Variants in ATP5MC2 observed in about 807,000 individuals in gnomAD.
The protein encoded by ATP5MC2 is ATP synthase F(0) complex subunit C2, mitochondrial.
In ATP5MC2, 11 loss-of-function variants were observed where a neutral mutation model predicts 13.5. The observed-to-expected ratio is 0.81, with a 90% confidence interval of 0.51 to 1.35. ATP5MC2 has a LOEUF of 1.35. Ranked by LOEUF, ATP5MC2 falls within the 40% of genes most tolerant of loss-of-function variation. ATP5MC2 has a pLI of 0.00. For synonymous variants in ATP5MC2, 64 were observed against 69.7 expected (o/e 0.92, Z 0.41); for missense variants, 132 against 175.0 (o/e 0.75, Z 1.39).
At chr12:53,675,887 G>A (rs1261606655) in intron 1 of ATP5MC2, among the ~76,000 whole-genome samples, 166 bp downstream of exon 1, 1 of 152,248 alleles carries the variant, frequency 6.6e-6, no homozygotes, top group African/African-American at 2.4e-5. Flanking sequence ...GGAGGTCACC[G>A]GCACGCGGAA....
In ATP5MC2 at chr12:53,669,863, T is replaced by G. The variant is rs765985656; in HGVS notation, c.117+8A>C. Reference sequence around the variant, plus strand: ...CAAAACCACAGTCCCAACTCCACTGTAAGGTACCTCATCTGTCAGTATCTC... The same window carrying G: ...CAAAACCACAGTCCCAACTCCACTGGAAGGTACCTCATCTGTCAGTATCTC... On this transcript the variant is annotated splice_region_variant and intron_variant, in intron 3 of 4. Coordinates refer to ENST00000394349, the MANE Select transcript of ATP5MC2 (RefSeq NM_005176.7). The G allele has an allele frequency of 1.2e-6, 2 of 1,613,594 alleles. No homozygotes were observed. The highest frequency in any genetic ancestry group is 1.7e-6 in the Non-Finnish European group (2 of 1,179,728).
At chr12:53,666,870 C>T (rs1052916815) in intron 4 of ATP5MC2, among the ~76,000 whole-genome samples, 62 of 149,382 alleles carry the variant, frequency 4.2e-4, no homozygotes, top group African/African-American at 1.2e-3. Context: ...CATTTGAACC[C>T]GGGAGGCAGA....
At chr12:53,679,238 CGAGAGAGA>C (rs59340879), upstream of ATP5MC2, among the ~76,000 whole-genome samples, 2,825 of 127,690 alleles carry the variant, frequency 0.022, 64 homozygotes, top group African/African-American at 0.062. Flanking sequence ...ATTTTAAAAA[CGAGAGAGA>C]GAGAGAGAGA....
chr12:53,666,470 A>C (rs1191963251), intron 4 of ATP5MC2, among the ~76,000 whole-genome samples: 1 of 152,014 alleles, frequency 6.6e-6, no homozygotes, highest in African/African-American at 2.4e-5. Context: ...CCAGCTACTC[A>C]GGAGGCTGAG....
At position 53,669,888 on chromosome 12, in the gene ATP5MC2, C is replaced by A. The variant is rs1317113193; in HGVS notation, c.100G>T (p.Glu34Ter). The A allele has an allele frequency of 1.2e-6, 2 of 1,613,926 alleles. No homozygotes were observed. Among genetic ancestry groups the A allele is most frequent in the Non-Finnish European group, 1.7e-6 (2 of 1,179,980 alleles). ...PLSAVVLKRP[E>*]ILTDESLSSL... ...TAAGGTACCTCATCTGTCAGTATCT[C>A]CGGTCGTTTCAGCACCACTGCAGAT... is the stretch of plus-strand genomic sequence containing the variant. Residue 34 changes from glutamate (E) to a stop codon, truncating the protein, a stop_gained, in exon 3 of 5, where the codon GAG (glutamate) becomes TAG (stop). Coordinates refer to ENST00000394349, the MANE Select transcript of ATP5MC2 (RefSeq NM_005176.7). LOFTEE classifies it high-confidence loss of function.
intron 1 of ATP5MC2, among the ~76,000 whole-genome samples, chr12:53,674,422 T>C (rs1945204359): frequency 6.6e-6 from 1 of 152,244 alleles, no homozygotes; most frequent in Non-Finnish European, 1.5e-5. Context: ...TTATTAGGTA[T>C]ACTTAACGCA....
chr12:53,670,015 C>G, intron 2 of ATP5MC2, 67 bp from the exon 3 acceptor site: 1 of 1,400,100 alleles, frequency 7.1e-7, no homozygotes, highest in Non-Finnish European at 1.0e-6. Flanking sequence ...AGAACTATGC[C>G]ACGTTGTTAC....
At chr12:53,680,941 T>A (rs1282720917), upstream of ATP5MC2, among the ~76,000 whole-genome samples, 1 of 152,034 alleles carries the variant, frequency 6.6e-6, no homozygotes, top group Non-Finnish European at 1.5e-5. Context: ...AGTTTTGCTC[T>A]TGTCGCCCAT....
chr12:53,678,842 C>T (rs1338185241), upstream of ATP5MC2, among the ~76,000 whole-genome samples: 1 of 152,140 alleles, frequency 6.6e-6, no homozygotes, highest in Admixed American at 6.5e-5. Context: ...CAATCAGTCC[C>T]TTTCTTTTCC....
At position 53,676,022 on chromosome 12, in the gene ATP5MC2, GCA is replaced by G. The variant is rs778434190; in HGVS notation, c.-32+29_-32+30del. ...GAGGTGTCCCGCGCGCGTGCGCAGC[GCA>G]CAGAGGGCTCTAGGTCCCAAGGCCT... On this transcript the variant is annotated intron_variant, in intron 1 of 4. Transcript: ENST00000394349. 8.8e-5 allele frequency: 142 copies of G among 1,606,912 alleles called. No homozygotes were observed. In the African/African-American group the frequency reaches 1.7e-3, roughly 19 times the overall value.
At chr12:53,680,706 A>G (rs1945335913), upstream of ATP5MC2, among the ~76,000 whole-genome samples, 1 of 152,084 alleles carries the variant, frequency 6.6e-6, no homozygotes, top group African/African-American at 2.4e-5. Context: ...AAATTATGAA[A>G]TATTTGATTC....
At position 53,675,454 on chromosome 12, in the gene ATP5MC2, C is replaced by T. The variant is rs1565629402; in HGVS notation, c.-32+599G>A. 5.3e-5 allele frequency among the ~76,000 whole-genome samples: 8 copies of T among 152,194 alleles called. No individual in the cohort carries two copies. In the South Asian group the frequency reaches 1.7e-3, roughly 31 times the overall value. ...AAATAACTAGTGATTCCAAAGCAAC[C>T]AGCCTCTCTCTTCTGCCTTAGCTAT... On this transcript the variant is annotated intron_variant, in intron 1 of 4. Coordinates refer to ENST00000394349, the MANE Select transcript of ATP5MC2 (RefSeq NM_005176.7).
intron 4 of ATP5MC2, 72 bp downstream of exon 4, chr12:53,669,076 C>T: frequency 3.3e-6 from 5 of 1,532,340 alleles, no homozygotes; most frequent in Non-Finnish European, 4.4e-6. Context: ...TAGTATAGTT[C>T]TAGACCCCCA....
At chr12:53,680,147 G>A (rs919511700), upstream of ATP5MC2, among the ~76,000 whole-genome samples, 3 of 151,876 alleles carry the variant, frequency 2.0e-5, no homozygotes, top group Admixed American at 6.6e-5. Context: ...CACCATGCCC[G>A]GCTAATTTTT....
At chr12:53,675,901 C>A in intron 1 of ATP5MC2, 152 bp downstream of exon 1, 2 of 1,233,802 alleles carry the variant, frequency 1.6e-6, no homozygotes, top group Non-Finnish European at 2.2e-6. Context: ...CGCGGAAGAG[C>A]CAACTCTAAG....
At chr12:53,665,562 C>T (rs1944891268) in intron 4 of ATP5MC2, 134 bp from the exon 5 acceptor site, 1 of 739,072 alleles carries the variant, frequency 1.4e-6, no homozygotes, top group African/African-American at 1.8e-5. Flanking sequence ...AGGGTAACAC[C>T]ATCATGCCCA....
chr12:53,680,945 C>T (rs1231076821), upstream of ATP5MC2, among the ~76,000 whole-genome samples: 5 of 151,944 alleles, frequency 3.3e-5, no homozygotes, highest in African/African-American at 9.7e-5. Flanking sequence ...TTGCTCTTGT[C>T]GCCCATGCTG....
At chr12:53,679,212 G>A (rs1945326391), upstream of ATP5MC2, among the ~76,000 whole-genome samples, 2 of 143,460 alleles carry the variant, frequency 1.4e-5, no homozygotes, top group Non-Finnish European at 1.5e-5. Context: ...AAAGAGCCAC[G>A]AAAGAAACAG....
chr12:53,678,222 G>A (rs796578261), upstream of ATP5MC2, among the ~76,000 whole-genome samples: 4 of 152,154 alleles, frequency 2.6e-5, no homozygotes, highest in South Asian at 8.3e-4. Flanking sequence ...TATGTAAATT[G>A]AGAAGAATAA....
Sources: allele counts gnomAD v4.1 joint callset (sites outside exome capture counted in the v4.1 genomes callset), GRCh38; gene constraint gnomAD v4.1.1; transcripts MANE v1.5; gene names NCBI Gene and HGNC (gene_info 2026-07-23, HGNC 2026-07-21).